The following MTCL3 variants were observed in gnomAD, a reference collection of about 807,000 sequenced individuals.
MTCL3 encodes the protein microtubule cross-linking factor 3.
chr6:127,506,275 G>A, the MTCL3 span, among the ~76,000 whole-genome samples: 1 of 152,140 alleles, frequency 6.6e-6, no homozygotes, highest in African/African-American at 2.4e-5. Context: ...ATCCATGATG[G>A]TTGCATGTAG....
the MTCL3 span, among the ~76,000 whole-genome samples, chr6:127,514,418 A>G: frequency 6.6e-6 from 1 of 152,224 alleles, no homozygotes; most frequent in African/African-American, 2.4e-5. Flanking sequence ...CAACTCCCCC[A>G]GAGGAGTCCT....
the MTCL3 span, among the ~76,000 whole-genome samples, chr6:127,484,077 C>G: frequency 6.6e-6 from 1 of 152,048 alleles, no homozygotes; most frequent in African/African-American, 2.4e-5. Context: ...TATATGAATA[C>G]CAAATCGAGG....
the MTCL3 span, chr6:127,482,837 TA>T: frequency 5.4e-6 from 6 of 1,108,324 alleles, no homozygotes; most frequent in African/African-American, 8.1e-5. This position sits in a 1 kb window ranked among gnomAD's most constrained non-coding sequence, Gnocchi z 4.1. Flanking sequence ...CCATTATATC[TA>T]TTTATAAATG....
chr6:127,475,071 A>T, the MTCL3 span, among the ~76,000 whole-genome samples: 2 of 152,226 alleles, frequency 1.3e-5, no homozygotes, highest in African/African-American at 2.4e-5. This position sits in a 1 kb window ranked among gnomAD's most constrained non-coding sequence, Gnocchi z 7.3. Context: ...CAGAGGAAGA[A>T]ATGGTGACTA....
the MTCL3 span, chr6:127,516,425 C>T: frequency 1.0e-5 from 16 of 1,600,320 alleles, no homozygotes; most frequent in East Asian, 2.2e-4. Context: ...AGTTTAGTGC[C>T]GGCCCCCACT....
chr6:127,475,273 C>G, the MTCL3 span: 1 of 1,564,780 alleles, frequency 6.4e-7, no homozygotes, highest in Non-Finnish European at 8.7e-7. The surrounding 1 kb of genome is among the most constrained non-coding windows in gnomAD (Gnocchi z 7.3). Flanking sequence ...CGCCGTGGCT[C>G]GCAATAGGCA....
At chr6:127,512,401 T>C in the MTCL3 span, among the ~76,000 whole-genome samples, 1 of 152,180 alleles carries the variant, frequency 6.6e-6, no homozygotes, top group Non-Finnish European at 1.5e-5. Flanking sequence ...ATTGCAAGCA[T>C]TAGAACATTG....
chr6:127,476,568 A>G, the MTCL3 span: 198 of 955,480 alleles, frequency 2.1e-4, 3 homozygotes, highest in African/African-American at 2.9e-3. This position sits in a 1 kb window ranked among gnomAD's most constrained non-coding sequence, Gnocchi z 4.4. Context: ...TTTTCTTGCA[A>G]TCCAGATTTA....
chr6:127,515,789 C>A, the MTCL3 span: 3 of 1,607,792 alleles, frequency 1.9e-6, no homozygotes, highest in South Asian at 3.3e-5. The surrounding 1 kb of genome is among the most constrained non-coding windows in gnomAD (Gnocchi z 4.3). Context: ...TGCATCTGAG[C>A]CGCGGCCGCC....
the MTCL3 span, among the ~76,000 whole-genome samples, chr6:127,502,385 C>A: frequency 6.6e-6 from 1 of 152,132 alleles, no homozygotes; most frequent in African/African-American, 2.4e-5. Context: ...AATGCAGTGG[C>A]AGGTAATGCA....
the MTCL3 span, among the ~76,000 whole-genome samples, chr6:127,510,166 A>G: frequency 9.1e-4 from 139 of 152,266 alleles, no homozygotes; most frequent in African/African-American, 3.2e-3. Context: ...GATGTTCTGC[A>G]TATATACTCC....
At chr6:127,496,482 T>G in the MTCL3 span, among the ~76,000 whole-genome samples, 32,599 of 152,124 alleles carry the variant, frequency 0.21, 5,187 homozygotes, top group East Asian at 0.64. Flanking sequence ...CAGAAGGATT[T>G]GACATGCAGA....
At chr6:127,502,085 C>A in the MTCL3 span, among the ~76,000 whole-genome samples, 3 of 152,204 alleles carry the variant, frequency 2.0e-5, no homozygotes, top group African/African-American at 7.2e-5. Flanking sequence ...TAAACCTCTT[C>A]TCTTGCCCAA....
chr6:127,476,704 A>C, the MTCL3 span, among the ~76,000 whole-genome samples: 1 of 152,240 alleles, frequency 6.6e-6, no homozygotes, highest in East Asian at 1.9e-4. This position sits in a 1 kb window ranked among gnomAD's most constrained non-coding sequence, Gnocchi z 4.4. Context: ...TGAAAAGAGA[A>C]TAACTGTGGC....
chr6:127,503,093 G>T, the MTCL3 span, among the ~76,000 whole-genome samples: 1 of 152,154 alleles, frequency 6.6e-6, no homozygotes, highest in Non-Finnish European at 1.5e-5. Flanking sequence ...TAGGAGTATT[G>T]AGGTTCCCTA....
the MTCL3 span, chr6:127,516,099 T>C: frequency 2.7e-6 from 4 of 1,455,356 alleles, no homozygotes; most frequent in Non-Finnish European, 3.6e-6. Context: ...CTCCTCCTCC[T>C]TCCCCGCCCC....
chr6:127,489,746 C>T, the MTCL3 span, among the ~76,000 whole-genome samples: 162 of 152,356 alleles, frequency 1.1e-3, 3 homozygotes, highest in Admixed American at 4.3e-3. Flanking sequence ...GGTGAGGAAG[C>T]TGCAGAAGAA....
chr6:127,508,850 A>G, the MTCL3 span, among the ~76,000 whole-genome samples: 1 of 152,210 alleles, frequency 6.6e-6, no homozygotes, highest in Non-Finnish European at 1.5e-5. Flanking sequence ...TCACTGCTAC[A>G]GCAGCGGAAC....
chr6:127,512,828 C>A, the MTCL3 span: 13 of 1,470,450 alleles, frequency 8.8e-6, no homozygotes, highest in South Asian at 1.4e-5. Flanking sequence ...CATATTAGTC[C>A]TTGGGATTCT....
Sources: gnomAD v4.1 joint callset for allele counts (sites outside exome capture counted in the v4.1 genomes callset) on GRCh38, gnomAD v4.1.1 for gene constraint, Gnocchi (gnomAD v3.1) non-coding constraint, MANE v1.5 for transcripts, NCBI Gene and HGNC (gene_info 2026-07-23, HGNC 2026-07-21) for gene names.